Variants in CSMD1 observed in about 807,000 individuals in gnomAD.
CSMD1 encodes CUB and sushi domain-containing protein 1.
A neutral mutation model predicts 417.5 loss-of-function variants in CSMD1; 213 were observed. The observed-to-expected ratio is 0.51, with a 90% confidence interval of 0.46 to 0.57. The LOEUF (loss-of-function observed/expected upper bound fraction) is 0.57. CSMD1 is among the 20% of genes least tolerant of loss of function. The probability of loss-of-function intolerance (pLI) is 0.00; values close to 1 mark genes in which losing one functional copy is unlikely to be tolerated. For synonymous variants in CSMD1, 2,862 were observed against 1,736.8 expected, an observed-to-expected ratio of 1.65 and a Z score of -16.11; for missense variants, 6,923 against 4,529.7, an observed-to-expected ratio of 1.53 and a Z score of -15.17.
intron 5 of CSMD1, among the ~76,000 whole-genome samples, chr8:3,823,315 G>T (rs1282119869): frequency 1.3e-5 from 2 of 152,118 alleles, no homozygotes; most frequent in Non-Finnish European, 2.9e-5. Context: ...ACCATCTTCT[G>T]GGTGCATGTG....
chr8:3,563,219 C>A (rs1418358966), intron 10 of CSMD1, among the ~76,000 whole-genome samples: 1 of 151,708 alleles, frequency 6.6e-6, no homozygotes, highest in Non-Finnish European at 1.5e-5. Flanking sequence ...TAATGTCTTC[C>A]TTCTAAAGTG....
chr8:3,978,416 T>C (rs1024779435), intron 5 of CSMD1, among the ~76,000 whole-genome samples: 3 of 152,222 alleles, frequency 2.0e-5, no homozygotes, highest in African/African-American at 7.2e-5. Context: ...CTCATATTTT[T>C]TTTCTATTCA....
At chr8:4,107,318 G>C (rs562628580) in intron 3 of CSMD1, among the ~76,000 whole-genome samples, 3 of 152,294 alleles carry the variant, frequency 2.0e-5, no homozygotes, top group Non-Finnish European at 4.4e-5. Flanking sequence ...TCCTGAAATA[G>C]AGAGGATTTC....
intron 1 of CSMD1, chr8:4,787,974 C>A: frequency 2.5e-6 from 4 of 1,594,466 alleles, no homozygotes; most frequent in Non-Finnish European, 3.4e-6. Flanking sequence ...ATCAGGAGAT[C>A]GAAGCCAACA....
chr8:4,642,419 G>A (rs965435196), intron 1 of CSMD1, among the ~76,000 whole-genome samples: 1 of 152,168 alleles, frequency 6.6e-6, no homozygotes, highest in Admixed American at 6.5e-5. Flanking sequence ...CTCCCGGGCT[G>A]TTGCTCTGTA....
intron 7 of CSMD1, among the ~76,000 whole-genome samples, chr8:3,659,352 A>G (rs7822812): frequency 0.014 from 2,182 of 152,328 alleles, 49 homozygotes; most frequent in African/African-American, 0.045. Context: ...GCACTTGCCA[A>G]TCTAGTTTAC....
At chr8:4,161,365 G>A (rs932777515) in intron 3 of CSMD1, among the ~76,000 whole-genome samples, 1 of 152,206 alleles carries the variant, frequency 6.6e-6, no homozygotes, top group Non-Finnish European at 1.5e-5. Context: ...TAAAAATGCA[G>A]GCTTTCAGCC....
chr8:4,643,419 G>C (rs1394427291), intron 1 of CSMD1, among the ~76,000 whole-genome samples: 3 of 152,102 alleles, frequency 2.0e-5, no homozygotes, highest in African/African-American at 4.8e-5. Context: ...CATTTTTGTA[G>C]TCAATTTCTA....
chr8:3,645,771 T>G (rs1365326633), intron 7 of CSMD1, among the ~76,000 whole-genome samples: 1 of 152,072 alleles, frequency 6.6e-6, no homozygotes, highest in African/African-American at 2.4e-5. Flanking sequence ...TAAGAAAAGG[T>G]GAGAAAAACA....
chr8:4,323,876 AG>A (rs1329258770), intron 3 of CSMD1, among the ~76,000 whole-genome samples: 2 of 152,110 alleles, frequency 1.3e-5, no homozygotes, highest in Admixed American at 6.6e-5. Context: ...ACTTCTATGA[AG>A]AAACTCCACA....
At chr8:4,326,802 C>G (rs1799587387) in intron 3 of CSMD1, among the ~76,000 whole-genome samples, 1 of 151,522 alleles carries the variant, frequency 6.6e-6, no homozygotes, top group Non-Finnish European at 1.5e-5. Flanking sequence ...AAGAAATCAC[C>G]AAGAAAACTT....
chr8:3,919,969 T>G lies in CSMD1; in HGVS notation c.818+77934A>C, dbSNP rs145234704. 1.9e-3 allele frequency among the ~76,000 whole-genome samples: 284 copies of G among 152,222 alleles called. 1 individual carries two copies. Among genetic ancestry groups the G allele is most frequent in the African/African-American group, 6.6e-3 (273 of 41,554 alleles). On this transcript the variant is annotated intron_variant, in intron 5 of 69. Coordinates refer to ENST00000635120, the MANE Select transcript of CSMD1 (RefSeq NM_033225.6). ...ACACAACTGAGTCTTGTATTTTTAG[T>G]GTGTAATCTGTGAATATACCAAATT...
chr8:3,774,044 G>C (rs373192966), intron 5 of CSMD1, among the ~76,000 whole-genome samples: 5 of 152,008 alleles, frequency 3.3e-5, no homozygotes, highest in African/African-American at 1.2e-4. Context: ...TTCATTCTTG[G>C]GCTTTTGCTA....
chr8:4,720,710 C>A (rs150678836), intron 1 of CSMD1, among the ~76,000 whole-genome samples: 1 of 152,156 alleles, frequency 6.6e-6, no homozygotes, highest in African/African-American at 2.4e-5. Flanking sequence ...GTGTGAGCCA[C>A]CACGACTGGC....
At chr8:4,355,053 G>C (rs552187608) in intron 3 of CSMD1, among the ~76,000 whole-genome samples, 3 of 152,024 alleles carry the variant, frequency 2.0e-5, no homozygotes, top group Middle Eastern at 3.4e-3. Context: ...ACGAGGTCAG[G>C]AGATCGAGAC....
At chr8:4,011,185 A>G (rs1393274056) in intron 4 of CSMD1, among the ~76,000 whole-genome samples, 1 of 152,174 alleles carries the variant, frequency 6.6e-6, no homozygotes, top group Non-Finnish European at 1.5e-5. Flanking sequence ...AAATATTTCT[A>G]CCTAGTGGGT....
chr8:3,232,503 G>A (rs945758003), intron 26 of CSMD1, among the ~76,000 whole-genome samples: 1 of 151,956 alleles, frequency 6.6e-6, no homozygotes, highest in Non-Finnish European at 1.5e-5. Context: ...TGGATCTTTG[G>A]GTCATTTTTC....
intron 10 of CSMD1, among the ~76,000 whole-genome samples, chr8:3,503,473 G>A (rs571408985): frequency 2.6e-4 from 39 of 152,342 alleles, no homozygotes; most frequent in African/African-American, 9.1e-4. Flanking sequence ...AGCAGTCTTG[G>A]GACGGCGGCA....
chr8:4,007,780 T>G (rs1444088067), intron 4 of CSMD1, among the ~76,000 whole-genome samples: 1 of 152,206 alleles, frequency 6.6e-6, no homozygotes, highest in Non-Finnish European at 1.5e-5. Flanking sequence ...TAACAAGTGT[T>G]GGGACTATGA....
Sources: gnomAD v4.1 joint callset for allele counts (sites outside exome capture counted in the v4.1 genomes callset) on GRCh38, gnomAD v4.1.1 for gene constraint, MANE v1.5 for transcripts, NCBI Gene and HGNC (gene_info 2026-07-23, HGNC 2026-07-21) for gene names.